The following SNX25 variants were observed in gnomAD, a reference collection of about 807,000 sequenced individuals.
The protein encoded by SNX25 is sorting nexin-25.
A neutral mutation model predicts 113.7 loss-of-function variants in SNX25; 62 were observed. That is an observed-to-expected ratio of 0.55 (90% confidence interval 0.44 to 0.67). SNX25 has a LOEUF of 0.67. SNX25 is among the 30% of genes least tolerant of loss of function. The pLI is 0.00. For missense variants in SNX25, 1,014 were observed against 1,161.0 expected, an observed-to-expected ratio of 0.87 and a Z score of 1.84; for synonymous variants, 421 against 436.2, an observed-to-expected ratio of 0.97 and a Z score of 0.43.
rs1560951529 is a variant in SNX25, at chr4:185,267,113, T to C, written c.1049T>C (p.Leu350Pro). 1 of 1,613,840 alleles carries C rather than the reference T, an allele frequency of 6.2e-7. No individual in the cohort carries two copies. The highest frequency in any genetic ancestry group is 8.5e-7 in the Non-Finnish European group (1 of 1,179,936). Reference protein sequence around the residue: ...YAPSYEDFIKLINSNSDVEFL... With the variant: ...YAPSYEDFIKPINSNSDVEFL... ...CCCTCTTACGAGGACTTCATCAAGC[T>C]CATTAACAGCAACTCTGATGTGGAG... is the stretch of plus-strand genomic sequence containing the variant. Residue 350 changes from leucine (L) to proline (P), a missense_variant, in exon 5 of 19, where the codon CTC becomes CCC. Physicochemically the swap from Leu to Pro is moderately conservative, Grantham distance 98. Coordinates refer to ENST00000652585, the MANE Select transcript of SNX25 (RefSeq NM_001378034.2).
At chr4:185,314,856 CAAAAAAA>C (rs35230364) in intron 7 of SNX25, among the ~76,000 whole-genome samples, 1 of 96,398 alleles carries the variant, frequency 1.0e-5, no homozygotes, top group East Asian at 2.9e-4. Context: ...GACTCTGTCT[CAAAAAAA>C]AAAAAAAAAA....
chr4:185,365,461 T>C (rs1376005521), downstream of SNX25: 1 of 151,950 alleles, frequency 6.6e-6, no homozygotes, highest in Non-Finnish European at 1.5e-5. Context: ...TTTCAAGCAG[T>C]TCTTCTGTCT....
the SNX25 span, chr4:185,377,187 G>T: frequency 1.6e-6 from 1 of 609,796 alleles, no homozygotes; most frequent in Non-Finnish European, 2.9e-6. Flanking sequence ...CTGAAAAAAC[G>T]TCATGGTCAC....
intron 5 of SNX25, among the ~76,000 whole-genome samples, chr4:185,272,420 T>C (rs1269541658): frequency 7.2e-5 from 11 of 152,210 alleles, no homozygotes; most frequent in African/African-American, 2.2e-4. Flanking sequence ...CTCTTATAAA[T>C]GCGCGGACAG....
intron 5 of SNX25, among the ~76,000 whole-genome samples, chr4:185,284,344 T>G (rs1377088033): frequency 6.6e-6 from 1 of 152,116 alleles, no homozygotes; most frequent in African/African-American, 2.4e-5. Flanking sequence ...AACAGCAATA[T>G]GAAAGAGTAA....
chr4:185,320,665 T>G, intron 7 of SNX25, 68 bp from the exon 8 acceptor site: 1 of 1,236,142 alleles, frequency 8.1e-7, no homozygotes, highest in Non-Finnish European at 1.1e-6. Context: ...ATCAGTCCAT[T>G]GGAAGTTAAA....
intron 5 of SNX25, among the ~76,000 whole-genome samples, chr4:185,274,901 C>G (rs1157218930): frequency 6.6e-6 from 1 of 152,176 alleles, no homozygotes; most frequent in African/African-American, 2.4e-5. Context: ...TGAGGTCGGC[C>G]TGACTTCAAA....
At chr4:185,375,781 CA>C in the SNX25 span, 2 of 1,172,282 alleles carry the variant, frequency 1.7e-6, no homozygotes, top group Non-Finnish European at 2.5e-6. Flanking sequence ...AAAGTAATCC[CA>C]AAGGCACCAA....
chr4:185,375,829 TAAC>T, the SNX25 span: 1 of 583,884 alleles, frequency 1.7e-6, no homozygotes, highest in Non-Finnish European at 3.0e-6. Flanking sequence ...AACACACAGT[TAAC>T]AAGCAATGCA....
At chr4:185,267,754 C>T (rs1748343762) in intron 5 of SNX25, among the ~76,000 whole-genome samples, 1 of 151,702 alleles carries the variant, frequency 6.6e-6, no homozygotes, top group Non-Finnish European at 1.5e-5. Context: ...AATTGACTCT[C>T]CAAATACTTA....
At chr4:185,303,635 G>A (rs1275418428) in intron 6 of SNX25, among the ~76,000 whole-genome samples, 1 of 149,252 alleles carries the variant, frequency 6.7e-6, no homozygotes, top group African/African-American at 2.5e-5. Context: ...CTTCAGCCTG[G>A]GCGACAGAGC....
intron 7 of SNX25, among the ~76,000 whole-genome samples, chr4:185,318,706 C>T (rs2095094758): frequency 6.6e-6 from 1 of 152,176 alleles, no homozygotes; most frequent in Non-Finnish European, 1.5e-5. Context: ...ATTATTGGCA[C>T]TTACTATTTT....
intron 2 of SNX25, among the ~76,000 whole-genome samples, chr4:185,258,116 T>G (rs1746720564): frequency 6.6e-6 from 1 of 152,220 alleles, no homozygotes; most frequent in South Asian, 2.1e-4. Flanking sequence ...AGAAGTTTCC[T>G]TCTTTACCCT....
At chr4:185,291,895 A>G (rs550520663) in intron 6 of SNX25, among the ~76,000 whole-genome samples, 67 of 152,318 alleles carry the variant, frequency 4.4e-4, no homozygotes, top group African/African-American at 1.5e-3. Context: ...TAGGACTTCA[A>G]CATATCTTTT....
chr4:185,219,620 T>G (rs192435885), intron 1 of SNX25, among the ~76,000 whole-genome samples: 1 of 152,218 alleles, frequency 6.6e-6, no homozygotes, highest in Non-Finnish European at 1.5e-5. Context: ...AAGGAACTTA[T>G]GCCCCTCCTT....
chr4:185,208,498 G>A (rs1453625864), upstream of SNX25, among the ~76,000 whole-genome samples: 1 of 151,894 alleles, frequency 6.6e-6, no homozygotes, highest in African/African-American at 2.4e-5. Context: ...GGGAGGCTGA[G>A]GCAGGCGGAT....
At chr4:185,321,652 A>G (rs932999055) in intron 8 of SNX25, among the ~76,000 whole-genome samples, 3 of 152,182 alleles carry the variant, frequency 2.0e-5, no homozygotes, top group African/African-American at 7.2e-5. Flanking sequence ...AATCAGCATC[A>G]TGCTTTGCAT....
chr4:185,370,305 T>C (rs1203376045), downstream of SNX25: 2 of 229,544 alleles, frequency 8.7e-6, no homozygotes, highest in Non-Finnish European at 1.8e-5. Flanking sequence ...ATTACTGTAC[T>C]AGAATGAACG....
At chr4:185,219,760 C>T (rs560545063) in intron 1 of SNX25, among the ~76,000 whole-genome samples, 1 of 152,152 alleles carries the variant, frequency 6.6e-6, no homozygotes, top group South Asian at 2.1e-4. Context: ...AAGCCACCTC[C>T]CACAAGGCCT....
Sources: allele counts gnomAD v4.1 joint callset (sites outside exome capture counted in the v4.1 genomes callset), GRCh38; gene constraint gnomAD v4.1.1; transcripts MANE v1.5; gene names NCBI Gene and HGNC (gene_info 2026-07-23, HGNC 2026-07-21).